RANBP2: variants seen among roughly 807,000 people sequenced by gnomAD.
RANBP2 encodes E3 SUMO-protein ligase RanBP2.
A neutral mutation model predicts 303.6 loss-of-function variants in RANBP2; 57 were observed. The ratio of observed to expected loss-of-function variants is 0.19; its 90% CI spans 0.15 to 0.23. The LOEUF is 0.23. Among genes scored for constraint, RANBP2 ranks in the 10% least tolerant of loss-of-function variants. The probability of loss-of-function intolerance (pLI) is 1.00; values close to 1 mark genes in which losing one functional copy is unlikely to be tolerated. For missense variants in RANBP2, 3,138 were observed against 3,780.8 expected (o/e 0.83, Z 4.46); for synonymous variants, 1,167 against 1,301.5 (o/e 0.90, Z 2.23).
At chr2:108,849,879 G>A in the RANBP2 span, among the ~76,000 whole-genome samples, 1 of 152,186 alleles carries the variant, frequency 6.6e-6, no homozygotes, top group Admixed American at 6.5e-5. Context: ...TGAGTCTCAG[G>A]GAGAAGAGCA....
chr2:109,713,978 T>G, the RANBP2 span, among the ~76,000 whole-genome samples: 1 of 152,236 alleles, frequency 6.6e-6, no homozygotes, highest in Non-Finnish European at 1.5e-5. Context: ...CTACCTGGAG[T>G]TGGAGTCAGA....
At chr2:109,386,149 AAAGCTGAC>A in the RANBP2 span, among the ~76,000 whole-genome samples, 1 of 152,214 alleles carries the variant, frequency 6.6e-6, no homozygotes, top group African/African-American at 2.4e-5. Context: ...TCAAGGCTGC[AAAGCTGAC>A]CGCCTTGCCT....
the RANBP2 span, among the ~76,000 whole-genome samples, chr2:109,534,313 G>A: frequency 2.6e-5 from 4 of 152,088 alleles, no homozygotes; most frequent in African/African-American, 7.2e-5. Context: ...TAGGGCGCTC[G>A]GCCTCAGTTC....
the RANBP2 span, among the ~76,000 whole-genome samples, chr2:109,236,329 C>T: frequency 6.6e-6 from 1 of 152,102 alleles, no homozygotes; most frequent in Non-Finnish European, 1.5e-5. Flanking sequence ...TGAGCAATGC[C>T]CAGCAGTGCC....
At chr2:109,093,191 G>T in the RANBP2 span, among the ~76,000 whole-genome samples, 1 of 152,098 alleles carries the variant, frequency 6.6e-6, no homozygotes, top group Non-Finnish European at 1.5e-5. Context: ...CAATAGAAAC[G>T]GCTCAATGCT....
At chr2:109,574,908 T>TA in the RANBP2 span, 3,492 of 497,092 alleles carry the variant, frequency 7.0e-3, 93 homozygotes, top group African/African-American at 0.06. Context: ...ACTTTAGTGA[T>TA]AAAAAAATGT....
the RANBP2 span, among the ~76,000 whole-genome samples, chr2:109,088,274 G>A: frequency 6.6e-6 from 1 of 151,590 alleles, no homozygotes; most frequent in African/African-American, 2.4e-5. Context: ...GCGCGCGCCT[G>A]TAGTTCCAGC....
the RANBP2 span, among the ~76,000 whole-genome samples, chr2:109,718,476 A>G: frequency 3.3e-5 from 5 of 152,244 alleles, no homozygotes; most frequent in South Asian, 6.2e-4. Flanking sequence ...AAGACCATAT[A>G]TTATAGGATT....
the RANBP2 span, among the ~76,000 whole-genome samples, chr2:109,025,257 CT>C: frequency 6.6e-6 from 1 of 152,096 alleles, no homozygotes; most frequent in African/African-American, 2.4e-5. Context: ...AACTGTTAAA[CT>C]GTTGATAGAC....
chr2:109,774,505 T>TATATATATATATAAA, the RANBP2 span, among the ~76,000 whole-genome samples: 28,327 of 32,000 alleles, frequency 0.89, 12,912 homozygotes, highest in Middle Eastern at 0.94. Flanking sequence ...CAAACATATA[T>TATATATATATATAAA]ATATATATAA....
At chr2:109,036,890 TC>T in the RANBP2 span, among the ~76,000 whole-genome samples, 2 of 152,110 alleles carry the variant, frequency 1.3e-5, no homozygotes. Context: ...ACACTTGTAA[TC>T]CCAACACTTT....
the RANBP2 span, among the ~76,000 whole-genome samples, chr2:109,443,544 A>C: frequency 6.6e-6 from 1 of 152,258 alleles, no homozygotes; most frequent in African/African-American, 2.4e-5. Flanking sequence ...CAAATACAGA[A>C]TCTGCCAATA....
chr2:108,944,959 C>T, the RANBP2 span, among the ~76,000 whole-genome samples: 6 of 152,186 alleles, frequency 3.9e-5, no homozygotes, highest in South Asian at 1.2e-3. Context: ...TTGGATGTTT[C>T]CCGTGGTGCA....
At chr2:109,243,720 T>C in the RANBP2 span, among the ~76,000 whole-genome samples, 3 of 152,046 alleles carry the variant, frequency 2.0e-5, no homozygotes, top group Non-Finnish European at 4.4e-5. Context: ...TAAGGAGAGA[T>C]TGAGCATGGT....
At chr2:109,327,869 G>A in the RANBP2 span, among the ~76,000 whole-genome samples, 1 of 152,058 alleles carries the variant, frequency 6.6e-6, no homozygotes, top group Non-Finnish European at 1.5e-5. Flanking sequence ...ATTTTCTTTT[G>A]TGTCAGTTTA....
At chr2:109,477,330 C>G in the RANBP2 span, among the ~76,000 whole-genome samples, 3 of 152,166 alleles carry the variant, frequency 2.0e-5, no homozygotes, top group African/African-American at 7.2e-5. Flanking sequence ...GCTCCCTGCC[C>G]TCCATGAAAA....
At chr2:108,992,939 C>A in the RANBP2 span, among the ~76,000 whole-genome samples, 1 of 151,688 alleles carries the variant, frequency 6.6e-6, no homozygotes, top group African/African-American at 2.4e-5. Context: ...TCAGCACTGG[C>A]CAGCTAGTTT....
the RANBP2 span, among the ~76,000 whole-genome samples, chr2:108,951,922 T>G: frequency 4.1e-4 from 62 of 152,346 alleles, 1 homozygote; most frequent in Middle Eastern, 3.4e-3. Flanking sequence ...GAGTAAGACA[T>G]AGACTTTCCC....
chr2:109,284,763 CAT>C, the RANBP2 span, among the ~76,000 whole-genome samples: 9 of 152,170 alleles, frequency 5.9e-5, no homozygotes, highest in African/African-American at 2.2e-4. Context: ...TGGCTAAGCA[CAT>C]GTGTGTGGAG....
Sources: gnomAD v4.1 joint callset for allele counts (sites outside exome capture counted in the v4.1 genomes callset) on GRCh38, gnomAD v4.1.1 for gene constraint, MANE v1.5 for transcripts, NCBI Gene and HGNC (gene_info 2026-07-23, HGNC 2026-07-21) for gene names.